Variants in MDN1 observed in about 807,000 individuals in gnomAD.
The protein encoded by MDN1 is midasin AAA ATPase 1, also known as midasin.
A neutral mutation model predicts 669.2 loss-of-function variants in MDN1; 266 were observed. The ratio of observed to expected loss-of-function variants is 0.40; its 90% CI spans 0.36 to 0.44. The LOEUF (loss-of-function observed/expected upper bound fraction) is 0.44. MDN1 is among the 20% of genes least tolerant of loss of function. MDN1 has a pLI of 1.00. For synonymous variants in MDN1, 2,385 were observed against 2,457.1 expected (o/e 0.97, Z 0.87); for missense variants, 5,940 against 6,754.0 (o/e 0.88, Z 4.22).
chr6:89,703,484 G>A (rs1457501064), intron 53 of MDN1, among the ~76,000 whole-genome samples: 1 of 151,946 alleles, frequency 6.6e-6, no homozygotes, highest in East Asian at 1.9e-4. Context: ...GGTAATATGA[G>A]TCTCCAACAT....
At chr6:89,801,624 TA>T (rs1767668321) in intron 2 of MDN1, among the ~76,000 whole-genome samples, 1 of 151,022 alleles carries the variant, frequency 6.6e-6, no homozygotes, top group African/African-American at 2.4e-5. Flanking sequence ...CACTCCAGCC[TA>T]GGTGACAGAG....
intron 7 of MDN1, 95 bp from the exon 8 acceptor site, chr6:89,788,052 C>A: frequency 1.8e-6 from 2 of 1,084,384 alleles, no homozygotes; most frequent in Admixed American, 2.4e-5. Flanking sequence ...GACAGACACA[C>A]CCTTAAAGGA....
intron 11 of MDN1, among the ~76,000 whole-genome samples, chr6:89,778,885 C>T (rs1818483820): frequency 1.6e-5 from 1 of 63,960 alleles, no homozygotes; most frequent in Admixed American, 1.6e-4. Context: ...GACTATGTCT[C>T]AAAAATAAAT....
At chr6:89,677,016 C>CAAAAAAAAAAAAAAAAAAAAGGA (rs577064668) in intron 76 of MDN1, among the ~76,000 whole-genome samples, 1 of 80,240 alleles carries the variant, frequency 1.2e-5, no homozygotes, top group Admixed American at 1.4e-4. Context: ...AATCAAAAGG[C>CAAAAAAAAAAAAAAAAAAAAGGA]AAAAAAAAAA....
Position 89,725,306 on chromosome 6 carries a change from A to C in MDN1, c.5563T>G (p.Phe1855Val). The change falls in exon 38 of 102, where the codon TTT becomes GTT. Residue 1855 changes from phenylalanine to valine, a missense_variant. By Grantham distance (50) the Phe-to-Val change is conservative. Coordinates refer to ENST00000369393, the MANE Select transcript of MDN1 (RefSeq NM_014611.3). ...EIYVPELGMSFQVQHEKTKIF... is the reference protein window; with the variant it reads ...EIYVPELGMSVQVQHEKTKIF... Reference sequence around the variant, plus strand: ...TTCGTCTTTTCATGCTGCACTTGAAAGCTCATTCCTAACTCAGGCACATAG... The same window carrying C: ...TTCGTCTTTTCATGCTGCACTTGAACGCTCATTCCTAACTCAGGCACATAG... 6.2e-7 allele frequency: 1 copy of C among 1,613,964 alleles called. No homozygotes were observed. Among genetic ancestry groups the C allele is most frequent in the Non-Finnish European group, 8.5e-7 (1 of 1,179,954 alleles).
intron 18 of MDN1, 132 bp downstream of exon 18, chr6:89,758,684 T>C: frequency 1.0e-6 from 1 of 968,942 alleles, no homozygotes; most frequent in Non-Finnish European, 1.5e-6. Flanking sequence ...TGCAGAAAAT[T>C]AATATCTAAA....
At chr6:89,793,703 G>A (rs1003158396) in intron 5 of MDN1, 59 bp downstream of exon 5, 4 of 1,432,524 alleles carry the variant, frequency 2.8e-6, no homozygotes, top group African/African-American at 1.4e-5. Context: ...GCCAAAGACA[G>A]AGCACACTCA....
At chr6:89,707,733 C>T (rs948962733) in intron 51 of MDN1, among the ~76,000 whole-genome samples, 10 of 152,110 alleles carry the variant, frequency 6.6e-5, no homozygotes, top group African/African-American at 2.4e-4. Flanking sequence ...CAAACTGCAC[C>T]GTGAACTCTT....
At chr6:89,677,505 C>A (rs1811277311) in intron 76 of MDN1, 65 bp downstream of exon 76, 1 of 1,595,668 alleles carries the variant, frequency 6.3e-7, no homozygotes, top group Non-Finnish European at 8.6e-7. Context: ...CAAATGAGGA[C>A]AAGGAGTTCT....
rs149622123 is a variant in MDN1 at position 89,708,601 on chromosome 6, C to T, written c.7793G>A (p.Arg2598Gln). The T allele has an allele frequency of 6.8e-6, 11 of 1,614,004 alleles. No homozygotes were observed. The highest frequency in any genetic ancestry group is 1.1e-5 in the South Asian group (1 of 91,066). ...CATGTCCAGAGCCTGCATATTCCAT[C>T]GGGGATCCAGAGGGATCACAAATTC... is the stretch of plus-strand genomic sequence containing the variant. ...TDEFVIPLDP[R>Q]WNMQALDMIR... Residue 2598 changes from arginine to glutamine, a missense_variant, in exon 51 of 102, where the codon CGA becomes CAA. Around this residue, in one of 5 missense-constraint regions of MDN1, gnomAD observed 2,292 missense variants for 2,638.3 expected, o/e 0.87. Transcript: ENST00000369393.
chr6:89,756,678 T>C (rs1817265927), intron 19 of MDN1, among the ~76,000 whole-genome samples: 1 of 152,104 alleles, frequency 6.6e-6, no homozygotes, highest in Non-Finnish European at 1.5e-5. Flanking sequence ...ATCCCAGCAC[T>C]TTGGGAGGCC....
chr6:89,714,835 C>T (rs2128312442), intron 45 of MDN1, 84 bp from the exon 46 acceptor site: 1 of 1,109,172 alleles, frequency 9.0e-7, no homozygotes, highest in Non-Finnish European at 1.3e-6. Flanking sequence ...TCAGTGAGGG[C>T]AAATCCTATG....
At chr6:89,808,707 T>G (rs767095242) in intron 1 of MDN1, among the ~76,000 whole-genome samples, 12 of 152,178 alleles carry the variant, frequency 7.9e-5, no homozygotes, top group Non-Finnish European at 1.5e-4. Flanking sequence ...ACTGCTGAAC[T>G]TCGTTCTTCC....
chr6:89,750,376 T>C lies in MDN1; in HGVS notation c.3384A>G (p.Ser1128=), dbSNP rs1173765111. 1.2e-6 allele frequency: 2 copies of C among 1,611,172 alleles called. No individual in the cohort carries two copies. The highest frequency in any genetic ancestry group is 2.7e-5 in the African/African-American group (2 of 74,876). Reference sequence around the variant, plus strand: ...TACCTTCCTTAAAGACAAGCTTCCCTGAGGAGTCAGACGTGTAACAACCAA... The same window carrying C: ...TACCTTCCTTAAAGACAAGCTTCCCCGAGGAGTCAGACGTGTAACAACCAA... ...EYIGCYTSDS[S]GKLVFKEGVL... is the part of the protein sequence containing the mutation. The change falls in exon 24 of 102, where the codon TCA becomes TCG. Residue 1128 remains serine (S), a synonymous_variant. Coordinates refer to ENST00000369393, the MANE Select transcript of MDN1 (RefSeq NM_014611.3).
rs1808312362 is a variant in MDN1, at chr6:89,643,933, A to AAGGGAGC, written c.*65_*71dup. 2.3e-6 allele frequency: 3 copies of AAGGGAGC among 1,322,664 alleles called. No individual in the cohort carries two copies. In the South Asian group the frequency reaches 5.0e-5, roughly 22 times the overall value. The allele number at this position is 1,322,664 out of a possible 1,614,324, so 81.9% of individuals were successfully genotyped here. A position where few individuals can be genotyped will look rare whatever the true frequency, so the allele number is the denominator to read the frequency against. Reference sequence around the variant, plus strand: ...AATAAAATTTTTTGTAGTTGTCCAAAAGGGAGCACCTGGGTAAGCAATGTG... The same window carrying AAGGGAGC: ...AATAAAATTTTTTGTAGTTGTCCAAAAGGGAGCAGGGAGCACCTGGGTAAGCAATGTG... On this transcript the variant is annotated 3_prime_UTR_variant, in exon 102 of 102. Transcript: ENST00000369393.
intron 9 of MDN1, among the ~76,000 whole-genome samples, chr6:89,784,739 C>G (rs763956857): frequency 3.6e-4 from 55 of 150,740 alleles, no homozygotes; most frequent in Middle Eastern, 3.4e-3. Context: ...TTCAATGATA[C>G]TGAGGAATTA....
intron 1 of MDN1, among the ~76,000 whole-genome samples, chr6:89,805,209 T>G (rs1324662787): frequency 6.6e-6 from 1 of 152,100 alleles, no homozygotes; most frequent in African/African-American, 2.4e-5. Flanking sequence ...GACATGCCCT[T>G]TGACCTTGCA....
chr6:89,657,003 C>T (rs1310813251), intron 90 of MDN1, among the ~76,000 whole-genome samples: 1 of 152,142 alleles, frequency 6.6e-6, no homozygotes, highest in African/African-American at 2.4e-5. Context: ...AGGTACAGAC[C>T]TTATGTTAAC....
chr6:89,687,031 GAGA>G lies in MDN1; in HGVS notation c.11451-11_11451-9del, dbSNP rs758714378. 16 of 1,611,016 alleles carry G rather than the reference GAGA, an allele frequency of 9.9e-6. No individual in the cohort carries two copies. Among genetic ancestry groups the G allele is most frequent in the Admixed American group, 8.5e-5 (5 of 58,992 alleles). On this transcript the variant is annotated splice_polypyrimidine_tract_variant and intron_variant, in intron 68 of 101. Coordinates refer to ENST00000369393, the MANE Select transcript of MDN1 (RefSeq NM_014611.3). ...AAACTCATGGACCAGCAGCTGAAAC[GAGA>G]AGAAGCCAAGGAGGCATTTAGGAAA...
Sources: allele counts gnomAD v4.1 joint callset (sites outside exome capture counted in the v4.1 genomes callset), GRCh38; gene constraint gnomAD v4.1.1; regional missense constraint gnomAD v4.1.1; transcripts MANE v1.5; gene names NCBI Gene and HGNC (gene_info 2026-07-23, HGNC 2026-07-21).